Variants in RTF1 observed in about 807,000 individuals in gnomAD.
RTF1 encodes the protein RTF1 homolog, Paf1/RNA polymerase II complex component, also known as RNA polymerase-associated protein RTF1 homolog.
Under a neutral mutation model 95.7 loss-of-function variants are expected in RTF1, and 10 were observed. That is an observed-to-expected ratio of 0.10 (90% confidence interval 0.06 to 0.18). The LOEUF is 0.18. Among genes scored for constraint, RTF1 ranks in the 10% least tolerant of loss-of-function variants. The probability of loss-of-function intolerance (pLI) is 1.00; values close to 1 mark genes in which losing one functional copy is unlikely to be tolerated. For synonymous variants in RTF1, 305 were observed against 311.8 expected (o/e 0.98, Z 0.23); for missense variants, 458 against 875.6 (o/e 0.52, Z 6.02).
At chr15:41,469,554 C>T (rs916284678) in intron 6 of RTF1, among the ~76,000 whole-genome samples, 6 of 149,588 alleles carry the variant, frequency 4.0e-5, no homozygotes, top group African/African-American at 9.9e-5. Context: ...GATGGAGTCT[C>T]GCTCTGTTGC....
chr15:41,466,850 T>C (rs1309865765), intron 6 of RTF1, among the ~76,000 whole-genome samples: 3 of 152,338 alleles, frequency 2.0e-5, no homozygotes, highest in African/African-American at 7.2e-5. Flanking sequence ...GTTTCTCACA[T>C]TGCTGACTAC....
intron 1 of RTF1, among the ~76,000 whole-genome samples, chr15:41,437,277 C>T (rs2050709280): frequency 6.6e-6 from 1 of 151,530 alleles, no homozygotes; most frequent in South Asian, 2.1e-4. Context: ...GGGCGGATCA[C>T]GAGGTCAGGA....
intron 1 of RTF1, among the ~76,000 whole-genome samples, chr15:41,437,362 G>A (rs766677020): frequency 4.8e-4 from 72 of 151,564 alleles, no homozygotes; most frequent in African/African-American, 1.3e-3. Context: ...TTAGCCGGGC[G>A]TGGTGGTGGG....
intron 2 of RTF1, among the ~76,000 whole-genome samples, chr15:41,439,374 C>A (rs2050721480): frequency 6.6e-6 from 1 of 152,048 alleles, no homozygotes; most frequent in African/African-American, 2.4e-5. Context: ...ATCTCACTTT[C>A]AAGTTAGAAA....
At chr15:41,428,650 CT>C (rs2050651944) in intron 1 of RTF1, among the ~76,000 whole-genome samples, 1 of 151,446 alleles carries the variant, frequency 6.6e-6, no homozygotes, top group Non-Finnish European at 1.5e-5. Flanking sequence ...ATGGATCACT[CT>C]AGCTTTGACC....
chr15:41,433,380 G>A (rs2050685576), intron 1 of RTF1, among the ~76,000 whole-genome samples: 1 of 152,138 alleles, frequency 6.6e-6, no homozygotes, highest in Admixed American at 6.6e-5. Context: ...TGTTGCCCAG[G>A]CTGGAGTGCA....
At chr15:41,417,551 A>G (rs1377773580) in intron 1 of RTF1, among the ~76,000 whole-genome samples, 1 of 151,956 alleles carries the variant, frequency 6.6e-6, no homozygotes, top group Non-Finnish European at 1.5e-5. Context: ...CGGGGCAGGG[A>G]CCGGGCCGTT....
chr15:41,428,426 C>G (rs758381364), intron 1 of RTF1, among the ~76,000 whole-genome samples: 32 of 151,272 alleles, frequency 2.1e-4, no homozygotes, highest in Non-Finnish European at 3.7e-4. Flanking sequence ...CGCCACTACA[C>G]CCGGCTAATT....
intron 12 of RTF1, among the ~76,000 whole-genome samples, chr15:41,476,955 G>C (rs1171574891): frequency 1.3e-5 from 2 of 152,260 alleles, no homozygotes; most frequent in Non-Finnish European, 2.9e-5. Flanking sequence ...CCAGGTAGCT[G>C]TATGGGAAGG....
chr15:41,460,438 AGT>A (rs974387852), intron 4 of RTF1, among the ~76,000 whole-genome samples: 3 of 151,954 alleles, frequency 2.0e-5, no homozygotes, highest in African/African-American at 7.2e-5. Context: ...ATTTGTTTTG[AGT>A]GTGAATCCTT....
intron 11 of RTF1, 104 bp downstream of exon 11, chr15:41,475,923 A>G (rs374560684): frequency 7.9e-6 from 5 of 633,242 alleles, no homozygotes; most frequent in African/African-American, 7.3e-5. Context: ...TTAGCTATGC[A>G]TGAAAATGAG....
Position 41,426,003 on chromosome 15 carries a change from C to T in RTF1, c.198+8690C>T, listed in dbSNP as rs2050627388. Among the ~76,000 whole-genome samples, 3 of 151,988 alleles carry T rather than the reference C, an allele frequency of 2.0e-5. No homozygotes were observed. In the South Asian group the frequency reaches 6.2e-4, roughly 32 times the overall value. On this transcript the variant is annotated intron_variant, in intron 1 of 17. Transcript: ENST00000389629. ...GGTAGTTGAAAATAACACTTGAGGG[C>T]CAGGCACAATGGCTCATGCCTGTAA...
intron 4 of RTF1, among the ~76,000 whole-genome samples, chr15:41,458,192 T>G (rs2050828860): frequency 1.3e-5 from 2 of 152,174 alleles, no homozygotes; most frequent in South Asian, 4.1e-4. Context: ...ACGCTTAGGC[T>G]TAGAGACATT....
rs185426254 is a variant in RTF1, at chr15:41,477,981, C to T, written c.1740+466C>T. Among the ~76,000 whole-genome samples the T allele has an allele frequency of 7.9e-5, 12 of 152,252 alleles. No homozygotes were observed. The East Asian group carries it at 2.3e-3, about 29-fold the overall frequency. On this transcript the variant is annotated intron_variant, in intron 14 of 17. Transcript: ENST00000389629. Reference sequence around the variant, plus strand: ...ATGAGCCGGACATGGTGGTGCACGCCTGTAATCCCAGCTACTTGGGAGGCT... The same window carrying T: ...ATGAGCCGGACATGGTGGTGCACGCTTGTAATCCCAGCTACTTGGGAGGCT...
intron 6 of RTF1, among the ~76,000 whole-genome samples, chr15:41,468,448 G>C (rs547460497): frequency 2.5e-4 from 38 of 152,144 alleles, no homozygotes; most frequent in African/African-American, 8.9e-4. Flanking sequence ...CTCCTGAGTA[G>C]CTGGGACTAC....
At chr15:41,417,574 C>T (rs1231612685) in intron 1 of RTF1, among the ~76,000 whole-genome samples, 1 of 152,054 alleles carries the variant, frequency 6.6e-6, no homozygotes, top group African/African-American at 2.4e-5. Flanking sequence ...GCCTCGGGCT[C>T]GGGGGTAGCG....
chr15:41,438,582 C>A (rs1033817159), intron 2 of RTF1, among the ~76,000 whole-genome samples, 151 bp downstream of exon 2: 2 of 152,104 alleles, frequency 1.3e-5, no homozygotes, highest in Non-Finnish European at 2.9e-5. Flanking sequence ...TAAGGAAGGC[C>A]GGGCGCTGTG....
chr15:41,433,289 T>C (rs530285830), intron 1 of RTF1, among the ~76,000 whole-genome samples: 2 of 152,168 alleles, frequency 1.3e-5, no homozygotes, highest in East Asian at 3.9e-4. Context: ...GGCATAATAA[T>C]GCATTTGTGA....
chr15:41,475,801 T>C lies in RTF1; in HGVS notation c.1464T>C (p.Asn488=). 2 of 1,582,232 alleles carry C rather than the reference T, an allele frequency of 1.3e-6. No individual in the cohort carries two copies. The highest frequency in any genetic ancestry group is 8.7e-7 in the Non-Finnish European group (1 of 1,154,244). The part of the protein sequence containing the change: ...SIKEALNYKF[N]DQDIEEIVKE... Reference sequence around the variant, plus strand: ...AAGAAGCTCTTAATTATAAATTCAATGATCAGGACATTGAAGAGGTAAGAA... The same window carrying C: ...AAGAAGCTCTTAATTATAAATTCAACGATCAGGACATTGAAGAGGTAAGAA... Residue 488 remains asparagine (N), a synonymous_variant, in exon 11 of 18, where the codon AAT becomes AAC. Transcript: ENST00000389629.
Sources: gnomAD v4.1 joint callset for allele counts (sites outside exome capture counted in the v4.1 genomes callset) on GRCh38, gnomAD v4.1.1 for gene constraint, MANE v1.5 for transcripts, NCBI Gene and HGNC (gene_info 2026-07-23, HGNC 2026-07-21) for gene names.